ASXL2: variants seen among roughly 807,000 people sequenced by gnomAD.
The protein encoded by ASXL2 is ASXL transcriptional regulator 2.
Under a neutral mutation model 122.0 loss-of-function variants are expected in ASXL2, and 23 were observed. The observed-to-expected ratio is 0.19, with a 90% CI of 0.14 to 0.27. The LOEUF is 0.27. Among genes scored for constraint, ASXL2 ranks in the 10% least tolerant of loss-of-function variants. ASXL2 has a pLI of 1.00. For missense variants in ASXL2, 1,518 were observed against 1,713.8 expected, an observed-to-expected ratio of 0.89 and a Z score of 2.02; for synonymous variants, 650 against 637.0, an observed-to-expected ratio of 1.02 and a Z score of -0.31.
chr2:25,811,097 C>CACACACAT (rs2089163621), intron 3 of ASXL2, among the ~76,000 whole-genome samples: 1 of 148,432 alleles, frequency 6.7e-6, no homozygotes, highest in South Asian at 2.2e-4. Context: ...CACACACACA[C>CACACACAT]ACAAAATCAG....
At chr2:25,826,762 TAAAAAAAAAAAAA>T (rs55765302) in intron 3 of ASXL2, among the ~76,000 whole-genome samples, 8 of 68,088 alleles carry the variant, frequency 1.2e-4, no homozygotes, top group Non-Finnish European at 2.1e-4. Context: ...ACTTTCAAGG[TAAAAAAAAAAAAA>T]AAAAAAAAAA....
At chr2:25,785,382 G>A (rs930580701) in intron 5 of ASXL2, among the ~76,000 whole-genome samples, 1 of 151,878 alleles carries the variant, frequency 6.6e-6, no homozygotes, top group African/African-American at 2.4e-5. Flanking sequence ...CCGCCTCCAT[G>A]TCAGGCCGAT....
At chr2:25,846,332 C>CA (rs1338740149) in intron 1 of ASXL2, among the ~76,000 whole-genome samples, 1 of 152,076 alleles carries the variant, frequency 6.6e-6, no homozygotes, top group Non-Finnish European at 1.5e-5. Flanking sequence ...AGGGGTCCTA[C>CA]AAGCATGGGA....
intron 5 of ASXL2, among the ~76,000 whole-genome samples, chr2:25,795,109 A>C (rs2088893414): frequency 6.6e-6 from 1 of 152,184 alleles, no homozygotes; most frequent in Non-Finnish European, 1.5e-5. Context: ...TTAAACATGA[A>C]TCACATGTGA....
intron 8 of ASXL2, among the ~76,000 whole-genome samples, chr2:25,764,174 A>T (rs1199679640): frequency 1.3e-5 from 2 of 152,258 alleles, no homozygotes; most frequent in Non-Finnish European, 2.9e-5. Context: ...GCCAGAAATG[A>T]CATTTTAAAT....
At chr2:25,841,730 G>A (rs540834531) in intron 2 of ASXL2, among the ~76,000 whole-genome samples, 6 of 152,074 alleles carry the variant, frequency 3.9e-5, no homozygotes, top group Admixed American at 6.5e-5. Context: ...GGTGGATCAC[G>A]AGGTCAGGAG....
intron 5 of ASXL2, among the ~76,000 whole-genome samples, chr2:25,787,418 C>T (rs2088765546): frequency 4.6e-5 from 7 of 152,126 alleles, no homozygotes; most frequent in Admixed American, 6.5e-5. Context: ...GGAAAGCTGA[C>T]ACGAAAAGTA....
intron 1 of ASXL2, among the ~76,000 whole-genome samples, chr2:25,846,551 G>C (rs2089651465): frequency 6.6e-6 from 1 of 152,148 alleles, no homozygotes; most frequent in Non-Finnish European, 1.5e-5. Flanking sequence ...AGGAGGCTGA[G>C]GCAGGAGAAT....
chr2:25,743,965 C>T lies in ASXL2; in HGVS notation c.2372G>A (p.Ser791Asn), dbSNP rs529689811. The T allele has an allele frequency of 6.2e-7, 1 of 1,613,952 alleles. No homozygotes were observed. The highest frequency in any genetic ancestry group is 1.3e-5 in the African/African-American group (1 of 75,030). ...CTCTATGTGGGCTGGTGATGGGACA[C>T]TTGTGCATGCTCCACTGACGGCAGG... is the stretch of plus-strand genomic sequence containing the variant. ...PTPAVSGACT[S>N]VPSPAHIEKL... is the part of the protein sequence containing the mutation. The change falls in exon 13 of 13, where the codon AGT becomes AAT. Residue 791 changes from serine (S) to asparagine (N), a missense_variant. Coordinates refer to ENST00000435504, the MANE Select transcript of ASXL2 (RefSeq NM_018263.6).
chr2:25,865,692 G>C (rs866912590), intron 1 of ASXL2, among the ~76,000 whole-genome samples: 4 of 141,238 alleles, frequency 2.8e-5, no homozygotes, highest in Non-Finnish European at 4.6e-5. Context: ...GGAGAATGGC[G>C]TGAACCCAGG....
chr2:25,827,598 CTTTGA>C (rs1453164693), intron 3 of ASXL2, among the ~76,000 whole-genome samples: 1 of 152,148 alleles, frequency 6.6e-6, no homozygotes, highest in Non-Finnish European at 1.5e-5. Flanking sequence ...TAGCTTTTAA[CTTTGA>C]TTTAAAAAGT....
At chr2:25,749,147 T>C (rs1355249344) in intron 12 of ASXL2, among the ~76,000 whole-genome samples, 2 of 152,230 alleles carry the variant, frequency 1.3e-5, no homozygotes, top group Non-Finnish European at 2.9e-5. Flanking sequence ...TAGTCTCACA[T>C]TTCTTATTTT....
intron 5 of ASXL2, among the ~76,000 whole-genome samples, chr2:25,783,170 T>A (rs72799688): frequency 0.15 from 23,332 of 152,008 alleles, 2,207 homozygotes; most frequent in Non-Finnish European, 0.22. Context: ...AAAAATATGA[T>A]TGAATTTCTC....
At position 25,742,035 on chromosome 2, in the gene ASXL2, AACG is replaced by A. The variant is rs2087837508; in HGVS notation, c.4299_4301del (p.Val1434del). Reference sequence around the variant, plus strand: ...GTATCTCTTTCTAGTCTCATTACCGAACGACAAGGCAGGAGACGCACAGTTTGG... The same window carrying A: ...GTATCTCTTTCTAGTCTCATTACCGAACAAGGCAGGAGACGCACAGTTTGG... On this transcript the variant is annotated inframe_deletion, in exon 13 of 13. Coordinates refer to ENST00000435504, the MANE Select transcript of ASXL2 (RefSeq NM_018263.6). 2 of 1,611,452 alleles carry A rather than the reference AACG, an allele frequency of 1.2e-6. No homozygotes were observed. Among genetic ancestry groups the A allele is most frequent in the Non-Finnish European group, 1.7e-6 (2 of 1,178,098 alleles).
At chr2:25,789,677 G>A (rs1384689325) in intron 5 of ASXL2, among the ~76,000 whole-genome samples, 2 of 152,142 alleles carry the variant, frequency 1.3e-5, no homozygotes, top group African/African-American at 2.4e-5. Flanking sequence ...CAAAGGAAAT[G>A]TTCATTGGAG....
chr2:25,767,073 T>C (rs976313989), intron 8 of ASXL2, among the ~76,000 whole-genome samples: 4 of 152,232 alleles, frequency 2.6e-5, no homozygotes, highest in Admixed American at 2.6e-4. Flanking sequence ...GTGGTCTCCT[T>C]GTTTTCTTCA....
intron 1 of ASXL2, among the ~76,000 whole-genome samples, chr2:25,850,357 C>G (rs2089700525): frequency 6.6e-6 from 1 of 152,174 alleles, no homozygotes; most frequent in South Asian, 2.1e-4. Flanking sequence ...ATCTTTTAAT[C>G]TATGGGTTTC....
chr2:25,762,247 A>G (rs1177615682), intron 8 of ASXL2, among the ~76,000 whole-genome samples: 2 of 151,608 alleles, frequency 1.3e-5, no homozygotes, highest in African/African-American at 2.4e-5. Context: ...CTAAAAGAGA[A>G]ATTGAGTGCA....
intron 2 of ASXL2, among the ~76,000 whole-genome samples, chr2:25,838,464 C>A (rs556130662): frequency 1.3e-5 from 2 of 152,314 alleles, no homozygotes; most frequent in South Asian, 2.1e-4. Context: ...AAGTGTATAG[C>A]TCAGAGACTT....
Sources: allele counts gnomAD v4.1 joint callset (sites outside exome capture counted in the v4.1 genomes callset), GRCh38; gene constraint gnomAD v4.1.1; transcripts MANE v1.5; gene names NCBI Gene and HGNC (gene_info 2026-07-23, HGNC 2026-07-21).